The following TRPM3 variants were observed in gnomAD, a reference collection of about 807,000 sequenced individuals.
TRPM3 encodes the protein long transient receptor potential channel 3.
Under a neutral mutation model 181.2 loss-of-function variants are expected in TRPM3, and 77 were observed. The observed-to-expected ratio is 0.42, with a 90% CI of 0.35 to 0.51. TRPM3 has a LOEUF of 0.51. TRPM3 is among the 20% of genes least tolerant of loss of function. The pLI is 0.01. For missense variants in TRPM3, 1,759 were observed against 2,196.7 expected, an observed-to-expected ratio of 0.80 and a Z score of 3.98; for synonymous variants, 745 against 796.4, an observed-to-expected ratio of 0.94 and a Z score of 1.09.
intron 22 of TRPM3, among the ~76,000 whole-genome samples, chr9:70,566,544 G>A (rs10746849): frequency 0.61 from 93,494 of 152,028 alleles, 29,383 homozygotes; most frequent in East Asian, 0.83. Flanking sequence ...ATTATTTATT[G>A]TAATCGTTTA....
chr9:70,810,007 T>C (rs994999206), intron 6 of TRPM3: 2 of 534,558 alleles, frequency 3.7e-6, no homozygotes, highest in African/African-American at 3.9e-5. Flanking sequence ...CCCTTTGCCT[T>C]CCCAGCCTCC....
At chr9:71,443,991 C>T (rs370320879) in intron 1 of TRPM3, among the ~76,000 whole-genome samples, 31 of 151,880 alleles carry the variant, frequency 2.0e-4, no homozygotes, top group East Asian at 1.5e-3. Context: ...CCATCCTGGC[C>T]AACATGGTGA....
At chr9:71,287,221 T>C (rs967471989) in intron 1 of TRPM3, among the ~76,000 whole-genome samples, 11 of 150,678 alleles carry the variant, frequency 7.3e-5, no homozygotes, top group Non-Finnish European at 1.0e-4. Context: ...ATTTACCATC[T>C]AATTTGAGAA....
intron 8 of TRPM3, among the ~76,000 whole-genome samples, chr9:70,694,974 C>T (rs2069865394): frequency 6.6e-6 from 1 of 152,212 alleles, no homozygotes; most frequent in Non-Finnish European, 1.5e-5. Context: ...GACAACCCTC[C>T]CCCTATTCGG....
At chr9:70,861,387 A>G (rs1166677871) in intron 3 of TRPM3, among the ~76,000 whole-genome samples, 3 of 152,162 alleles carry the variant, frequency 2.0e-5, no homozygotes, top group East Asian at 3.9e-4. Flanking sequence ...TTGGTGCTCC[A>G]TATCTGACAC....
intron 1 of TRPM3, among the ~76,000 whole-genome samples, chr9:71,299,754 A>G (rs1389577455): frequency 6.6e-6 from 1 of 152,166 alleles, no homozygotes; most frequent in Non-Finnish European, 1.5e-5. Context: ...CTAACACCAT[A>G]TACCTTCCCT....
At chr9:71,344,789 A>G (rs1382329900) in intron 1 of TRPM3, among the ~76,000 whole-genome samples, 1 of 152,190 alleles carries the variant, frequency 6.6e-6, no homozygotes, top group Non-Finnish European at 1.5e-5. Flanking sequence ...TAATAAAACA[A>G]AAAGCAAGCC....
chr9:70,829,951 T>C (rs1243685030), intron 5 of TRPM3, among the ~76,000 whole-genome samples: 2 of 152,198 alleles, frequency 1.3e-5, no homozygotes, highest in African/African-American at 4.8e-5. Flanking sequence ...TGAAAGAGGC[T>C]CAGCAGAAAG....
intron 1 of TRPM3, among the ~76,000 whole-genome samples, chr9:70,913,313 A>C (rs2096557451): frequency 1.3e-5 from 2 of 152,214 alleles, no homozygotes; most frequent in Non-Finnish European, 2.9e-5. Flanking sequence ...AATGCTTTAC[A>C]GCATTTTCAT....
chr9:71,290,087 G>A (rs903938368), intron 1 of TRPM3, among the ~76,000 whole-genome samples: 2 of 151,978 alleles, frequency 1.3e-5, no homozygotes, highest in East Asian at 3.9e-4. Context: ...ACAAAAAAAG[G>A]AGAGAAGCTC....
At chr9:70,817,296 C>T (rs1214047258) in intron 6 of TRPM3, among the ~76,000 whole-genome samples, 1 of 152,160 alleles carries the variant, frequency 6.6e-6, no homozygotes, top group Non-Finnish European at 1.5e-5. Context: ...GCAGGGCCTC[C>T]CCTTGCTCTT....
At chr9:71,423,752 A>G (rs2093817473) in intron 1 of TRPM3, among the ~76,000 whole-genome samples, 1 of 152,142 alleles carries the variant, frequency 6.6e-6, no homozygotes, top group Non-Finnish European at 1.5e-5. Flanking sequence ...GCCTGAAAGC[A>G]GAACATAAAT....
intron 1 of TRPM3, among the ~76,000 whole-genome samples, chr9:71,298,910 C>T (rs2086533657): frequency 6.6e-6 from 1 of 152,112 alleles, no homozygotes; most frequent in Admixed American, 6.5e-5. Context: ...TGACATCGTC[C>T]TACTTTCCTA....
At chr9:70,699,260 G>A (rs1276238880) in intron 8 of TRPM3, among the ~76,000 whole-genome samples, 2 of 152,282 alleles carry the variant, frequency 1.3e-5, no homozygotes, top group East Asian at 1.9e-4. Context: ...GGAGACAAAG[G>A]TCATTTCTGG....
intron 1 of TRPM3, among the ~76,000 whole-genome samples, chr9:71,427,900 C>CCAACAAAA (rs2131590372): frequency 6.6e-6 from 1 of 152,002 alleles, no homozygotes; most frequent in South Asian, 2.1e-4. Context: ...ACACGTACCC[C>CCAACAAAA]CTGGATCTGA....
At chr9:70,550,717 G>A (rs7047645) in intron 24 of TRPM3, among the ~76,000 whole-genome samples, 72,799 of 152,094 alleles carry the variant, frequency 0.48, 17,942 homozygotes, top group East Asian at 0.72. Context: ...CTGGATTTTG[G>A]ACCCTCAGGG....
intron 3 of TRPM3, among the ~76,000 whole-genome samples, chr9:70,846,891 T>A (rs2094980384): frequency 6.6e-6 from 1 of 152,250 alleles, no homozygotes; most frequent in African/African-American, 2.4e-5. Context: ...ATCATTTTTA[T>A]ATTTCACCAC....
At chr9:71,339,501 T>C (rs970240945) in intron 1 of TRPM3, among the ~76,000 whole-genome samples, 6 of 110,236 alleles carry the variant, frequency 5.4e-5, no homozygotes, top group South Asian at 3.5e-4. Flanking sequence ...ACAGAGTAAG[T>C]TCTGAAATAG....
intron 1 of TRPM3, among the ~76,000 whole-genome samples, chr9:71,348,977 A>C (rs540649937): frequency 6.6e-6 from 1 of 152,360 alleles, no homozygotes; most frequent in Admixed American, 6.5e-5. Flanking sequence ...AGATCAGTTA[A>C]GTTAGCCAAC....
Sources: allele counts gnomAD v4.1 joint callset (sites outside exome capture counted in the v4.1 genomes callset), GRCh38; gene constraint gnomAD v4.1.1; transcripts MANE v1.5; gene names NCBI Gene and HGNC (gene_info 2026-07-23, HGNC 2026-07-21).